The following TRIM69 variants were observed in gnomAD, a reference collection of about 807,000 sequenced individuals.
The protein encoded by TRIM69 is tripartite motif containing 69, also known as E3 ubiquitin-protein ligase TRIM69.
A neutral mutation model predicts 37.7 loss-of-function variants in TRIM69; 29 were observed. That is an observed-to-expected ratio of 0.77 (90% CI 0.57 to 1.05). The LOEUF (loss-of-function observed/expected upper bound fraction) is 1.05, where lower values mean the gene tolerates loss of function less well. Among genes scored for constraint, TRIM69 ranks in the 50% least tolerant of loss-of-function variants. The pLI is 0.00. For synonymous variants in TRIM69, 209 were observed against 212.4 expected, an observed-to-expected ratio of 0.98 and a Z score of 0.14; for missense variants, 596 against 579.9, an observed-to-expected ratio of 1.03 and a Z score of -0.28.
intron 6 of TRIM69, among the ~76,000 whole-genome samples, 172 bp from the exon 7 acceptor site, chr15:44,767,059 A>AAAAAAAAAAC (rs2087906780): frequency 7.5e-6 from 1 of 132,996 alleles, no homozygotes; most frequent in African/African-American, 2.8e-5. Flanking sequence ...GCCTCAAAAA[A>AAAAAAAAAAC]AAAAAAAAAA....
intron 6 of TRIM69, among the ~76,000 whole-genome samples, chr15:44,766,298 C>G (rs1023370269): frequency 3.9e-5 from 6 of 152,204 alleles, no homozygotes; most frequent in Non-Finnish European, 7.3e-5. Context: ...AGACTGTTAA[C>G]CACATGGTAT....
chr15:44,752,776 G>A (rs1231678168), intron 1 of TRIM69: 1 of 150,594 alleles, frequency 6.6e-6, no homozygotes, highest in Non-Finnish European at 1.5e-5. Context: ...TCTTTATATT[G>A]CTTAGTAGTT....
At chr15:44,739,599 C>T (rs1299349851) in intron 1 of TRIM69, among the ~76,000 whole-genome samples, 6 of 152,324 alleles carry the variant, frequency 3.9e-5, no homozygotes, top group Admixed American at 3.3e-4. Flanking sequence ...GCTCGGAGGG[C>T]CCTACGCCCA....
intron 4 of TRIM69, 92 bp downstream of exon 4, chr15:44,758,946 A>C (rs2087713776): frequency 2.1e-6 from 3 of 1,447,382 alleles, no homozygotes; most frequent in Admixed American, 4.8e-5. Flanking sequence ...TTTCACATCC[A>C]GGGAAAACAA....
intron 6 of TRIM69, among the ~76,000 whole-genome samples, chr15:44,762,589 T>C (rs2087800478): frequency 6.6e-6 from 1 of 152,096 alleles, no homozygotes; most frequent in African/African-American, 2.4e-5. Flanking sequence ...TTTTAAATGG[T>C]TTCTATTGTT....
At chr15:44,758,271 C>A in intron 3 of TRIM69, 1 of 280,350 alleles carries the variant, frequency 3.6e-6, no homozygotes. Flanking sequence ...CTAACAGTAC[C>A]ACTTGGCAGC....
intron 1 of TRIM69, chr15:44,753,259 T>A (rs1299431706): frequency 6.6e-6 from 1 of 152,152 alleles, no homozygotes; most frequent in Non-Finnish European, 1.5e-5. Flanking sequence ...AATGTCTTAA[T>A]TCCTCTTTTC....
chr15:44,736,785 T>A (rs1330480596), intron 1 of TRIM69, 75 bp downstream of exon 1: 2 of 1,564,000 alleles, frequency 1.3e-6, no homozygotes, highest in African/African-American at 2.7e-5. Flanking sequence ...TAGAAGAGGA[T>A]ATGGATTTAG....
At chr15:44,741,350 C>A (rs2087281165) in intron 1 of TRIM69, among the ~76,000 whole-genome samples, 2 of 151,766 alleles carry the variant, frequency 1.3e-5, no homozygotes, top group Non-Finnish European at 1.5e-5. Context: ...ACTAAATGCC[C>A]ACAAGAGAAA....
chr15:44,758,630 C>T lies in TRIM69; in HGVS notation c.589C>T (p.Leu197=). The part of the protein sequence containing the change: ...EAIAAHKENK[L]HLQQHVSMEF... ...TCATGGAGGTTTCCAGGAAAACAAG[C>T]TACATCTGCAGCAACATGTGTCCAT... is the stretch of plus-strand genomic sequence containing the variant. The change falls in exon 4 of 7, where the codon CTA becomes TTA. Residue 197 remains leucine (L), a synonymous_variant. Transcript: ENST00000329464. 1.2e-6 allele frequency: 2 copies of T among 1,614,070 alleles called. No homozygotes were observed. The highest frequency in any genetic ancestry group is 1.7e-6 in the Non-Finnish European group (2 of 1,180,000).
chr15:44,739,964 T>C (rs933011506), intron 1 of TRIM69, among the ~76,000 whole-genome samples: 1 of 151,852 alleles, frequency 6.6e-6, no homozygotes, highest in Non-Finnish European at 1.5e-5. Context: ...CCTAGCAGCC[T>C]AACTGGGAGG....
At chr15:44,737,932 C>G (rs1264255632) in intron 1 of TRIM69, among the ~76,000 whole-genome samples, 2 of 152,108 alleles carry the variant, frequency 1.3e-5, no homozygotes, top group Admixed American at 1.3e-4. Context: ...AAAAAAATCT[C>G]TGGTAAAAAT....
At position 44,758,824 on chromosome 15, in the gene TRIM69, G is replaced by A. The variant is rs148920822; in HGVS notation, c.783G>A (p.Thr261=). ...TGTTGGTGAGCATTCAGGCAAAGAC[G>A]GAACAACAGAACTCCTTCGACTTTC... ...KDMLVSIQAK[T]EQQNSFDFLK... The change falls in exon 4 of 7, where the codon ACG becomes ACA. Residue 261 remains threonine (T), a synonymous_variant. Transcript: ENST00000329464. 2.6e-4 allele frequency: 423 copies of A among 1,613,772 alleles called. No homozygotes were observed. The highest frequency in any genetic ancestry group is 3.6e-4 in the East Asian group (16 of 44,862).
chr15:44,756,721 C>T (rs747359152), intron 3 of TRIM69: 41 of 335,288 alleles, frequency 1.2e-4, no homozygotes, highest in Admixed American at 1.9e-4. Context: ...AGGTGACTGT[C>T]GTGGCGTTGA....
chr15:44,765,763 AAAACAAAAC>A (rs1400410726), intron 6 of TRIM69, among the ~76,000 whole-genome samples: 2 of 20,540 alleles, frequency 9.7e-5, no homozygotes, highest in Non-Finnish European at 3.2e-4. Flanking sequence ...CAAAAAAAAC[AAAACAAAAC>A]AAACAAACAA....
chr15:44,756,146 T>C (rs918317110), intron 2 of TRIM69, among the ~76,000 whole-genome samples: 1 of 152,098 alleles, frequency 6.6e-6, no homozygotes, highest in African/African-American at 2.4e-5. Context: ...CCCATCTCAG[T>C]CTCCCAAAGT....
intron 1 of TRIM69, among the ~76,000 whole-genome samples, chr15:44,744,616 T>G (rs541048383): frequency 2.0e-5 from 3 of 152,070 alleles, no homozygotes; most frequent in Non-Finnish European, 2.9e-5. Context: ...ACCTTGAATC[T>G]CTGTAAAATA....
intron 1 of TRIM69, among the ~76,000 whole-genome samples, chr15:44,744,961 G>A (rs2087372186): frequency 1.3e-5 from 2 of 149,634 alleles, no homozygotes; most frequent in Non-Finnish European, 1.5e-5. Flanking sequence ...AAAAAGCTGA[G>A]AAAGAAAGGC....
intron 1 of TRIM69, among the ~76,000 whole-genome samples, chr15:44,748,445 C>T (rs2087452107): frequency 1.3e-5 from 2 of 151,820 alleles, no homozygotes; most frequent in African/African-American, 4.8e-5. Context: ...CTGGTGGCCA[C>T]TTCTGGTGGC....
Sources: gnomAD v4.1 joint callset for allele counts (sites outside exome capture counted in the v4.1 genomes callset) on GRCh38, gnomAD v4.1.1 for gene constraint, MANE v1.5 for transcripts, NCBI Gene and HGNC (gene_info 2026-07-23, HGNC 2026-07-21) for gene names.